Variants in MAP6 observed in about 807,000 individuals in gnomAD.
The protein encoded by MAP6 is microtubule-associated protein 6.
Under a neutral mutation model 42.4 loss-of-function variants are expected in MAP6, and 26 were observed. That is an observed-to-expected ratio of 0.61 (90% CI 0.45 to 0.85). The LOEUF (loss-of-function observed/expected upper bound fraction) is 0.85. MAP6 is among the 40% of genes least tolerant of loss of function. MAP6 has a pLI of 0.00. For synonymous variants in MAP6, 418 were observed against 443.8 expected (o/e 0.94, Z 0.73); for missense variants, 966 against 1,099.0 (o/e 0.88, Z 1.71).
chr11:75,587,285 C>A lies in MAP6; in HGVS notation c.2216G>T (p.Gly739Val), dbSNP rs1333412040. The A allele has an allele frequency of 1.7e-5, 27 of 1,614,016 alleles. No individual in the cohort carries two copies. The highest frequency in any genetic ancestry group is 2.2e-5 in the Non-Finnish European group (26 of 1,180,034). The change falls in exon 4 of 4, where the codon GGT (glycine) becomes GTT (valine). Residue 739 changes from glycine to valine, a missense_variant. Around this residue, in one of 2 missense-constraint regions of MAP6, gnomAD observed 943 missense variants for 1,049.9 expected, o/e 0.90. Coordinates refer to ENST00000304771, the MANE Select transcript of MAP6 (RefSeq NM_033063.2). Reference protein sequence around the residue: ...PTVLQPPKNQGRIVPEPLKNQ... With the variant: ...PTVLQPPKNQVRIVPEPLKNQ... ...CTTCAGAGGTTCAGGGACTATACGACCTTGATTCTTTGGAGGCTGTAGGAC... is the reference window on the plus strand; with the variant it reads ...CTTCAGAGGTTCAGGGACTATACGAACTTGATTCTTTGGAGGCTGTAGGAC...
chr11:75,644,618 A>G (rs1331406118), intron 1 of MAP6, among the ~76,000 whole-genome samples: 3 of 152,194 alleles, frequency 2.0e-5, no homozygotes, highest in Non-Finnish European at 1.5e-5. Flanking sequence ...CACAGTATTT[A>G]TTCATCCACT....
chr11:75,616,337 G>T (rs1275079857), intron 1 of MAP6, among the ~76,000 whole-genome samples: 1 of 151,954 alleles, frequency 6.6e-6, no homozygotes, highest in East Asian at 1.9e-4. Flanking sequence ...GACATTCCTC[G>T]ACTGCTTTAC....
chr11:75,668,114 C>T lies in MAP6; in HGVS notation c.256G>A (p.Ala86Thr), dbSNP rs764054785. The T allele has an allele frequency of 4.1e-6, 5 of 1,221,032 alleles. No individual in the cohort carries two copies. The African/African-American group carries it at 6.4e-5, about 16-fold the overall frequency. The allele number at this position is 1,221,032 out of a possible 1,614,324, so 75.6% of individuals were successfully genotyped here. A position where few individuals can be genotyped will look rare whatever the true frequency, so the allele number is the denominator to read the frequency against. ...TCGCGCTCGCCGGTAGGCCCAGGCG[C>T]TGGCCCCGTTGCCCGGGCAACTGCA... is the stretch of plus-strand genomic sequence containing the variant. ...LDAVARATGP[A>T]PGPTGEREPA... Residue 86 changes from alanine (A) to threonine (T), a missense_variant, in exon 1 of 4, where the codon GCG becomes ACG. Ala to Thr is a moderately conservative substitution (Grantham distance 58, BLOSUM62 0). This residue lies in a region of MAP6 where 943 missense variants were observed against 1,049.9 expected (regional missense o/e 0.90). Transcript: ENST00000304771.
intron 1 of MAP6, among the ~76,000 whole-genome samples, chr11:75,640,051 G>A (rs1211926481): frequency 6.6e-6 from 1 of 152,100 alleles, no homozygotes; most frequent in African/African-American, 2.4e-5. Context: ...CCTCCACACT[G>A]GTAACCATGG....
intron 1 of MAP6, among the ~76,000 whole-genome samples, chr11:75,660,189 G>A (rs2135695153): frequency 6.6e-6 from 1 of 152,122 alleles, no homozygotes; most frequent in South Asian, 2.1e-4. Flanking sequence ...TATCCCCCAT[G>A]GCTCCATTTT....
chr11:75,626,256 A>G (rs558607470), intron 1 of MAP6, among the ~76,000 whole-genome samples: 11 of 152,364 alleles, frequency 7.2e-5, no homozygotes, highest in Admixed American at 3.3e-4. Flanking sequence ...ATATGACTGC[A>G]TAAGAATCAT....
intron 1 of MAP6, among the ~76,000 whole-genome samples, chr11:75,664,474 C>G (rs1236038538): frequency 6.6e-6 from 1 of 152,218 alleles, no homozygotes; most frequent in Non-Finnish European, 1.5e-5. Context: ...TCTGTTTAAG[C>G]AGACTGTTCA....
At chr11:75,589,705 T>C (rs1942441966) in intron 3 of MAP6, among the ~76,000 whole-genome samples, 1 of 152,188 alleles carries the variant, frequency 6.6e-6, no homozygotes, top group Non-Finnish European at 1.5e-5. Flanking sequence ...TTACTATTAC[T>C]CTATTTATTG....
In MAP6 at chr11:75,608,112, T is replaced by TG; in HGVS notation, c.1115dup (p.Val374GlyfsTer5). ...GTTCCCACAAGGTCTGTCTCACCTT[T>TG]GGGGGTTCCTTGAAGGGTTCGCTGT... On this transcript the variant is annotated frameshift_variant, in exon 2 of 4. Coordinates refer to ENST00000304771, the MANE Select transcript of MAP6 (RefSeq NM_033063.2). LOFTEE classifies it high-confidence loss of function. 6.2e-7 allele frequency: 1 copy of TG among 1,613,624 alleles called. No individual in the cohort carries two copies. Among genetic ancestry groups the TG allele is most frequent in the South Asian group, 1.1e-5 (1 of 91,038 alleles).
chr11:75,665,125 T>C lies in MAP6; in HGVS notation c.905+2340A>G, dbSNP rs185563018. ...GATTTTTTTGACAGGTTAATAGAAT[T>C]GATAGGTGCTAAAAATAATCATTCT... On this transcript the variant is annotated intron_variant, in intron 1 of 3. Coordinates refer to ENST00000304771, the MANE Select transcript of MAP6 (RefSeq NM_033063.2). Among the ~76,000 whole-genome samples, 553 of 152,298 alleles carry C rather than the reference T, an allele frequency of 3.6e-3. 14 individuals are homozygous for C. Among genetic ancestry groups the C allele is most frequent in the South Asian group, 0.027 (130 of 4,822 alleles).
chr11:75,610,492 G>C (rs1039422025), intron 1 of MAP6, among the ~76,000 whole-genome samples: 1 of 152,230 alleles, frequency 6.6e-6, no homozygotes, highest in Non-Finnish European at 1.5e-5. Flanking sequence ...TGCAGGCAGT[G>C]TGGGTGGCTG....
intron 1 of MAP6, among the ~76,000 whole-genome samples, chr11:75,610,929 G>A (rs993616515): frequency 2.6e-5 from 4 of 152,104 alleles, no homozygotes; most frequent in Admixed American, 2.0e-4. Flanking sequence ...TCCTGATTCT[G>A]TTCACGGCAT....
intron 1 of MAP6, among the ~76,000 whole-genome samples, chr11:75,652,753 C>T (rs776566794): frequency 6.6e-6 from 1 of 150,610 alleles, no homozygotes; most frequent in East Asian, 2.0e-4. Flanking sequence ...GCAGGAGGAT[C>T]GCTTGAATCC....
chr11:75,640,420 A>T (rs1943445940), intron 1 of MAP6, among the ~76,000 whole-genome samples: 1 of 152,124 alleles, frequency 6.6e-6, no homozygotes, highest in Non-Finnish European at 1.5e-5. Context: ...AAGGAGTTTC[A>T]TTTTTCTGAC....
chr11:75,589,132 T>C (rs994279184), intron 3 of MAP6, among the ~76,000 whole-genome samples: 1 of 152,212 alleles, frequency 6.6e-6, no homozygotes, highest in Non-Finnish European at 1.5e-5. Flanking sequence ...CTCTCTGCTC[T>C]CCTGAGACCT....
chr11:75,640,057 C>T (rs1301995453), intron 1 of MAP6, among the ~76,000 whole-genome samples: 1 of 152,172 alleles, frequency 6.6e-6, no homozygotes, highest in African/African-American at 2.4e-5. Context: ...CACTGGTAAC[C>T]ATGGATACCC....
intron 3 of MAP6, among the ~76,000 whole-genome samples, chr11:75,600,271 A>C (rs1170536564): frequency 6.6e-6 from 1 of 152,140 alleles, no homozygotes; most frequent in East Asian, 1.9e-4. Flanking sequence ...GGAGGACACT[A>C]ATGCTCCAGG....
chr11:75,600,638 C>T (rs549487497), intron 3 of MAP6, among the ~76,000 whole-genome samples: 2 of 152,264 alleles, frequency 1.3e-5, no homozygotes, highest in East Asian at 3.9e-4. Context: ...AGGGGTGAAG[C>T]CTTGCTTTAA....
chr11:75,658,581 C>T (rs925275683), intron 1 of MAP6, among the ~76,000 whole-genome samples: 1 of 152,144 alleles, frequency 6.6e-6, no homozygotes, highest in African/African-American at 2.4e-5. Context: ...GACTCTGTTC[C>T]CAGTCTAATC....
Sources: allele counts gnomAD v4.1 joint callset (sites outside exome capture counted in the v4.1 genomes callset), GRCh38; gene constraint gnomAD v4.1.1; regional missense constraint gnomAD v4.1.1; transcripts MANE v1.5; gene names NCBI Gene and HGNC (gene_info 2026-07-23, HGNC 2026-07-21).